The following PTPRD variants were observed in gnomAD, a reference collection of about 807,000 sequenced individuals.
PTPRD encodes protein tyrosine phosphatase receptor type D, also known as receptor-type tyrosine-protein phosphatase delta.
Under a neutral mutation model 214.5 loss-of-function variants are expected in PTPRD, and 34 were observed. The observed-to-expected ratio is 0.16, with a 90% CI of 0.12 to 0.21. The LOEUF (loss-of-function observed/expected upper bound fraction) is 0.21. Among genes scored for constraint, PTPRD ranks in the 10% least tolerant of loss-of-function variants. The pLI is 1.00. For missense variants in PTPRD, 2,545 were observed against 2,398.7 expected (o/e 1.06, Z -1.27); for synonymous variants, 1,128 against 845.7 (o/e 1.33, Z -5.79).
At chr9:9,407,378 A>T (rs2073865397) in intron 8 of PTPRD, among the ~76,000 whole-genome samples, 1 of 151,792 alleles carries the variant, frequency 6.6e-6, no homozygotes, top group Admixed American at 6.6e-5. Flanking sequence ...ATGATTATAA[A>T]TAATGGTTCT....
chr9:8,589,114 T>A (rs1171368955), intron 14 of PTPRD, among the ~76,000 whole-genome samples: 3 of 152,210 alleles, frequency 2.0e-5, no homozygotes, highest in African/African-American at 7.2e-5. Flanking sequence ...TTATTCAGAA[T>A]TTCTAGCGCA....
At chr9:8,435,195 T>C (rs571187806) in intron 35 of PTPRD, among the ~76,000 whole-genome samples, 2 of 152,320 alleles carry the variant, frequency 1.3e-5, no homozygotes, top group African/African-American at 4.8e-5. Flanking sequence ...TAACTTAAAA[T>C]AATGAACATT....
chr9:9,228,113 T>C (rs925267352), intron 9 of PTPRD, among the ~76,000 whole-genome samples: 1 of 152,134 alleles, frequency 6.6e-6, no homozygotes, highest in African/African-American at 2.4e-5. Context: ...CAAATATAGA[T>C]GAATTACATT....
intron 8 of PTPRD, among the ~76,000 whole-genome samples, chr9:9,506,476 T>C (rs957153341): frequency 6.6e-6 from 1 of 151,444 alleles, no homozygotes; most frequent in Non-Finnish European, 1.5e-5. Context: ...TCCTTCCAGA[T>C]TTATGATTCT....
At chr9:10,529,564 G>A (rs2055499511) in intron 2 of PTPRD, among the ~76,000 whole-genome samples, 1 of 143,056 alleles carries the variant, frequency 7.0e-6, no homozygotes, top group Non-Finnish European at 1.5e-5. Flanking sequence ...CACGGGGCCT[G>A]TTGGGGGATG....
At chr9:10,226,241 TAC>T (rs1209697547) in intron 3 of PTPRD, among the ~76,000 whole-genome samples, 2 of 152,054 alleles carry the variant, frequency 1.3e-5, no homozygotes, top group Non-Finnish European at 2.9e-5. Flanking sequence ...CTACTGAATG[TAC>T]AGTGTGGCTA....
intron 2 of PTPRD, among the ~76,000 whole-genome samples, chr9:10,511,946 ACGTG>A (rs2048265854): frequency 3.6e-5 from 2 of 56,198 alleles, no homozygotes; most frequent in Non-Finnish European, 7.6e-5. Context: ...ATATATATAT[ACGTG>A]TGTGTATATA....
intron 5 of PTPRD, among the ~76,000 whole-genome samples, chr9:9,855,157 G>C (rs2061309427): frequency 1.3e-5 from 2 of 152,246 alleles, no homozygotes; most frequent in South Asian, 4.1e-4. Flanking sequence ...AGTCAAGGTA[G>C]CCTTTCTTCT....
intron 35 of PTPRD, among the ~76,000 whole-genome samples, chr9:8,435,968 G>C (rs1239217394): frequency 6.6e-6 from 1 of 152,194 alleles, no homozygotes; most frequent in African/African-American, 2.4e-5. Flanking sequence ...AAAACCAAGA[G>C]TCTTGAGAAA....
intron 8 of PTPRD, among the ~76,000 whole-genome samples, chr9:9,571,544 T>C (rs1473567611): frequency 6.6e-6 from 1 of 151,284 alleles, no homozygotes; most frequent in Admixed American, 6.6e-5. Flanking sequence ...AATGATGCTG[T>C]AGAACATTCA....
chr9:9,053,063 G>C (rs1363484260), intron 10 of PTPRD, among the ~76,000 whole-genome samples: 1 of 152,060 alleles, frequency 6.6e-6, no homozygotes, highest in Non-Finnish European at 1.5e-5. Context: ...TTTTCCTATA[G>C]AACAATAAGC....
intron 11 of PTPRD, among the ~76,000 whole-genome samples, chr9:8,907,428 G>A (rs1385121700): frequency 6.7e-6 from 1 of 148,988 alleles, no homozygotes; most frequent in Admixed American, 6.8e-5. Context: ...TGAGGCAGGA[G>A]AATGATGTGA....
intron 3 of PTPRD, among the ~76,000 whole-genome samples, chr9:10,238,475 G>A (rs549115619): frequency 2.1e-4 from 32 of 151,996 alleles, no homozygotes; most frequent in Non-Finnish European, 4.3e-4. Flanking sequence ...ACATACCAAA[G>A]ATCATCCAGC....
chr9:9,934,482 T>G (rs970977182), intron 5 of PTPRD, among the ~76,000 whole-genome samples: 15 of 146,160 alleles, frequency 1.0e-4, no homozygotes, highest in Admixed American at 2.0e-4. Flanking sequence ...CTAGAAGAAA[T>G]GGATAAATTC....
At chr9:9,365,619 C>A (rs1053228799) in intron 9 of PTPRD, among the ~76,000 whole-genome samples, 2 of 151,392 alleles carry the variant, frequency 1.3e-5, no homozygotes, top group African/African-American at 4.8e-5. Flanking sequence ...ACATTATAAT[C>A]AAAAGCTTTT....
chr9:8,386,191 ACACAG>A lies in PTPRD; in HGVS notation c.4386+3036_4386+3040del, dbSNP rs1214190760. ...GAGTCAAGTAAACTTGCTCATTGTC[ACACAG>A]CTAGTAGAGGCTAGAGTTGGTATTT... On this transcript the variant is annotated intron_variant, in intron 37 of 45. Coordinates refer to ENST00000381196, the MANE Select transcript of PTPRD (RefSeq NM_002839.4). Among the ~76,000 whole-genome samples the A allele has an allele frequency of 4.6e-5, 7 of 152,312 alleles. No homozygotes were observed. In the South Asian group the frequency reaches 1.2e-3, roughly 27 times the overall value.
At chr9:8,493,724 T>C (rs1490886360) in intron 26 of PTPRD, among the ~76,000 whole-genome samples, 1 of 152,192 alleles carries the variant, frequency 6.6e-6, no homozygotes, top group Non-Finnish European at 1.5e-5. Flanking sequence ...TTTTACCACA[T>C]CACTAGTATG....
chr9:8,806,705 G>C (rs997803781), intron 11 of PTPRD, among the ~76,000 whole-genome samples: 1 of 152,120 alleles, frequency 6.6e-6, no homozygotes, highest in Non-Finnish European at 1.5e-5. Flanking sequence ...AACTACCTGA[G>C]GTTCTGTTCT....
intron 26 of PTPRD, among the ~76,000 whole-genome samples, chr9:8,494,756 C>G (rs2097223605): frequency 6.6e-6 from 1 of 152,192 alleles, no homozygotes; most frequent in African/African-American, 2.4e-5. Context: ...TGAAATGCGT[C>G]AAGTTCCCTG....
Sources: gnomAD v4.1 joint callset for allele counts (sites outside exome capture counted in the v4.1 genomes callset) on GRCh38, gnomAD v4.1.1 for gene constraint, MANE v1.5 for transcripts, NCBI Gene and HGNC (gene_info 2026-07-23, HGNC 2026-07-21) for gene names.